RASEF: variants seen among roughly 807,000 people sequenced by gnomAD.
RASEF encodes the protein RAS and EF-hand domain containing, also known as ras and EF-hand domain-containing protein.
RASEF carries 68 observed loss-of-function variants against 90.1 expected under a neutral mutation model. That is an observed-to-expected ratio of 0.75 (90% confidence interval 0.62 to 0.92). The LOEUF is 0.92. RASEF is among the 40% of genes least tolerant of loss of function. The pLI, the probability that RASEF is intolerant of heterozygous loss-of-function variation, is 0.00. For missense variants in RASEF, 949 were observed against 937.2 expected (o/e 1.01, Z -0.16); for synonymous variants, 331 against 345.2 (o/e 0.96, Z 0.46).
At chr9:83,075,951 C>A in the RASEF span, among the ~76,000 whole-genome samples, 2 of 152,052 alleles carry the variant, frequency 1.3e-5, no homozygotes, top group African/African-American at 4.8e-5. Context: ...GGGCAGATCA[C>A]AAGGTCAGGA....
At chr9:83,087,118 G>A in the RASEF span, among the ~76,000 whole-genome samples, 833 of 152,320 alleles carry the variant, frequency 5.5e-3, 7 homozygotes, top group African/African-American at 0.018. Context: ...AGAAGTAGAT[G>A]TGTCTGACTA....
chr9:83,020,874 G>A (rs1829432101), intron 3 of RASEF, among the ~76,000 whole-genome samples: 1 of 152,124 alleles, frequency 6.6e-6, no homozygotes, highest in Non-Finnish European at 1.5e-5. Flanking sequence ...AGAAAAAAAG[G>A]CAGAAAAATG....
the RASEF span, among the ~76,000 whole-genome samples, chr9:83,141,716 G>A: frequency 1.3e-5 from 2 of 152,176 alleles, no homozygotes; most frequent in Non-Finnish European, 2.9e-5. Flanking sequence ...AGAGATACAC[G>A]TGCCCAATGG....
At chr9:83,014,622 T>C (rs910193453) in intron 4 of RASEF, among the ~76,000 whole-genome samples, 1 of 152,152 alleles carries the variant, frequency 6.6e-6, no homozygotes, top group African/African-American at 2.4e-5. Context: ...CCAGCAAGGA[T>C]GATCCTTTTT....
At chr9:82,982,852 A>G (rs1235599735) in intron 16 of RASEF, 70 bp from the exon 17 acceptor site, 1 of 876,156 alleles carries the variant, frequency 1.1e-6, no homozygotes, top group Non-Finnish European at 1.9e-6. Flanking sequence ...AGGTATAAAA[A>G]CTAAGCCACA....
the RASEF span, among the ~76,000 whole-genome samples, chr9:83,150,801 T>C: frequency 1.3e-5 from 2 of 152,194 alleles, no homozygotes; most frequent in African/African-American, 4.8e-5. Context: ...ATTGTTTATT[T>C]TGGATCTACT....
At chr9:83,187,881 G>C in the RASEF span, among the ~76,000 whole-genome samples, 1 of 152,130 alleles carries the variant, frequency 6.6e-6, no homozygotes, top group South Asian at 2.1e-4. Context: ...ACAGCAACAC[G>C]AGAGCTCTAC....
At chr9:83,214,616 TG>T in the RASEF span, among the ~76,000 whole-genome samples, 1 of 152,102 alleles carries the variant, frequency 6.6e-6, no homozygotes, top group African/African-American at 2.4e-5. Flanking sequence ...AGGGACCCTG[TG>T]GGAGGTAATT....
chr9:83,040,452 T>A (rs1829818444), intron 1 of RASEF, among the ~76,000 whole-genome samples: 1 of 152,204 alleles, frequency 6.6e-6, no homozygotes, highest in African/African-American at 2.4e-5. Flanking sequence ...GACAACATAT[T>A]GCATACATAG....
the RASEF span, among the ~76,000 whole-genome samples, chr9:83,154,663 C>CCATCTCT: frequency 6.6e-6 from 1 of 152,188 alleles, no homozygotes; most frequent in African/African-American, 2.4e-5. Flanking sequence ...CCTAGGTTGG[C>CCATCTCT]CATCTCTCTT....
the RASEF span, among the ~76,000 whole-genome samples, chr9:83,204,758 A>G: frequency 6.6e-6 from 1 of 152,350 alleles, no homozygotes; most frequent in African/African-American, 2.4e-5. Context: ...GCTGATACTG[A>G]TAACAATGAT....
At chr9:83,071,645 G>A in the RASEF span, among the ~76,000 whole-genome samples, 3 of 152,116 alleles carry the variant, frequency 2.0e-5, no homozygotes, top group Non-Finnish European at 2.9e-5. Flanking sequence ...ATCTCAAGCA[G>A]TCTGCCCATC....
chr9:83,019,895 C>T (rs1234290050), intron 3 of RASEF, among the ~76,000 whole-genome samples: 2 of 152,180 alleles, frequency 1.3e-5, no homozygotes, highest in Middle Eastern at 6.8e-3. Context: ...GAAAATAGAA[C>T]AATGATTATC....
intron 3 of RASEF, among the ~76,000 whole-genome samples, chr9:83,020,310 A>T (rs984374862): frequency 1.5e-4 from 23 of 152,194 alleles, no homozygotes; most frequent in African/African-American, 5.5e-4. Context: ...AGCTGGAGCC[A>T]AAGCAGGGTC....
rs1316978629 is a variant in RASEF, at chr9:83,000,591, G to C, written c.1438-21C>G. On this transcript the variant is annotated intron_variant, in intron 10 of 16. Coordinates refer to ENST00000376447, the MANE Select transcript of RASEF (RefSeq NM_152573.4). Reference sequence around the variant, plus strand: ...GGAACCTATTTTTTTTAAAATGTCAGCAGTTAAATTAAAAAATGTCAGCAG... The same window carrying C: ...GGAACCTATTTTTTTTAAAATGTCACCAGTTAAATTAAAAAATGTCAGCAG... 7 of 1,572,736 alleles carry C rather than the reference G, an allele frequency of 4.5e-6. No homozygotes were observed. The African/African-American group carries it at 8.3e-5, about 19-fold the overall frequency.
intron 1 of RASEF, among the ~76,000 whole-genome samples, chr9:83,060,372 A>G (rs1312863951): frequency 6.6e-6 from 1 of 152,234 alleles, no homozygotes; most frequent in Admixed American, 6.5e-5. Flanking sequence ...TCCACAATAC[A>G]GGGAGTTTCC....
At chr9:83,093,123 T>A in the RASEF span, among the ~76,000 whole-genome samples, 1 of 152,126 alleles carries the variant, frequency 6.6e-6, no homozygotes, top group South Asian at 2.1e-4. Flanking sequence ...CTGATTGGTG[T>A]GTTTACAAAC....
At chr9:83,210,312 A>C in the RASEF span, among the ~76,000 whole-genome samples, 1 of 152,234 alleles carries the variant, frequency 6.6e-6, no homozygotes, top group African/African-American at 2.4e-5. Flanking sequence ...AGTACATTTT[A>C]AATGGCAAGA....
the RASEF span, among the ~76,000 whole-genome samples, chr9:83,095,785 C>A: frequency 6.6e-6 from 1 of 151,996 alleles, no homozygotes. Context: ...ATAGTCTACA[C>A]TATAGACTCA....
Sources: allele counts gnomAD v4.1 joint callset (sites outside exome capture counted in the v4.1 genomes callset), GRCh38; gene constraint gnomAD v4.1.1; transcripts MANE v1.5; gene names NCBI Gene and HGNC (gene_info 2026-07-23, HGNC 2026-07-21).